The following RHOU variants were observed in gnomAD, a reference collection of about 807,000 sequenced individuals.
The protein encoded by RHOU is rho-related GTP-binding protein RhoU.
A neutral mutation model predicts 12.6 loss-of-function variants in RHOU; 8 were observed. The ratio of observed to expected loss-of-function variants is 0.64; its 90% CI spans 0.37 to 1.15. The LOEUF is 1.15. Among genes scored for constraint, RHOU ranks in the 50% most tolerant of loss-of-function variants. The probability of loss-of-function intolerance (pLI) is 0.01; values close to 1 mark genes in which losing one functional copy is unlikely to be tolerated. For missense variants in RHOU, 258 were observed against 347.0 expected, an observed-to-expected ratio of 0.74 and a Z score of 2.04; for synonymous variants, 161 against 147.4, an observed-to-expected ratio of 1.09 and a Z score of -0.67.
the RHOU span, among the ~76,000 whole-genome samples, chr1:228,648,858 CTCTTTCTTTCTT>C: frequency 3.3e-5 from 5 of 150,394 alleles, no homozygotes; most frequent in South Asian, 2.1e-4. Flanking sequence ...CTTCCTCTCT[CTCTTTCTTTCTT>C]TCTTTCTTTC....
At chr1:228,708,283 A>T in the RHOU span, among the ~76,000 whole-genome samples, 1 of 152,114 alleles carries the variant, frequency 6.6e-6, no homozygotes, top group Non-Finnish European at 1.5e-5. Flanking sequence ...GCAGGCCAAC[A>T]TTCAGATTCA....
chr1:228,729,348 A>G, the RHOU span, among the ~76,000 whole-genome samples: 1 of 152,178 alleles, frequency 6.6e-6, no homozygotes, highest in African/African-American at 2.4e-5. Flanking sequence ...TGAATTACCA[A>G]ATTAACTCAT....
At chr1:228,740,814 G>C (rs1220924668) in intron 2 of RHOU, among the ~76,000 whole-genome samples, 1 of 152,216 alleles carries the variant, frequency 6.6e-6, no homozygotes, top group Non-Finnish European at 1.5e-5. Flanking sequence ...GCAGAGTATG[G>C]ATGGCTCTAC....
chr1:228,657,876 A>G, the RHOU span, among the ~76,000 whole-genome samples: 2 of 152,178 alleles, frequency 1.3e-5, no homozygotes, highest in African/African-American at 4.8e-5. Flanking sequence ...TAGAAGTAAA[A>G]CTGATAAACT....
the RHOU span, among the ~76,000 whole-genome samples, chr1:228,729,683 GA>G: frequency 3.3e-5 from 5 of 152,198 alleles, no homozygotes; most frequent in Non-Finnish European, 7.3e-5. Context: ...TCTAGACATT[GA>G]AATTTTGAGT....
the RHOU span, among the ~76,000 whole-genome samples, chr1:228,693,277 G>A: frequency 6.6e-6 from 1 of 152,196 alleles, no homozygotes; most frequent in Non-Finnish European, 1.5e-5. Flanking sequence ...GAGTTACAGC[G>A]TGAACTGACT....
chr1:228,734,201 T>C (rs1026035047), upstream of RHOU, among the ~76,000 whole-genome samples: 1 of 152,138 alleles, frequency 6.6e-6, no homozygotes, highest in Admixed American at 6.5e-5. Context: ...TTTTTTTTTT[T>C]TCAAAATTTA....
the RHOU span, among the ~76,000 whole-genome samples, chr1:228,707,212 TATATAC>T: frequency 3.4e-5 from 4 of 119,114 alleles, no homozygotes; most frequent in South Asian, 2.4e-4. Context: ...TATACATATA[TATATAC>T]ATATATATAT....
chr1:228,701,854 T>C, the RHOU span, among the ~76,000 whole-genome samples: 2 of 151,796 alleles, frequency 1.3e-5, no homozygotes, highest in African/African-American at 4.8e-5. Context: ...ACACTTTGTA[T>C]ATAGAATTCT....
the RHOU span, among the ~76,000 whole-genome samples, chr1:228,649,693 T>C: frequency 6.6e-6 from 1 of 152,256 alleles, no homozygotes; most frequent in Admixed American, 6.5e-5. Flanking sequence ...TTTCTTTTTT[T>C]ATCTTGAATT....
chr1:228,680,143 G>A, the RHOU span, among the ~76,000 whole-genome samples: 2 of 152,174 alleles, frequency 1.3e-5, no homozygotes, highest in African/African-American at 4.8e-5. Context: ...ATAAGGGGAT[G>A]TACTTACCCT....
At chr1:228,698,991 G>A in the RHOU span, among the ~76,000 whole-genome samples, 1 of 152,122 alleles carries the variant, frequency 6.6e-6, no homozygotes, top group African/African-American at 2.4e-5. Flanking sequence ...GGTGGCAAGA[G>A]TAGTCTTTCT....
At chr1:228,705,571 AT>A in the RHOU span, among the ~76,000 whole-genome samples, 3 of 152,132 alleles carry the variant, frequency 2.0e-5, no homozygotes, top group Non-Finnish European at 4.4e-5. Flanking sequence ...GTCCCTGCAA[AT>A]TTCTCACAGC....
At chr1:228,698,153 A>G in the RHOU span, among the ~76,000 whole-genome samples, 2 of 152,340 alleles carry the variant, frequency 1.3e-5, no homozygotes, top group Admixed American at 6.5e-5. Flanking sequence ...AAGGGAGACC[A>G]TTTGACATTT....
chr1:228,669,710 T>G, the RHOU span, among the ~76,000 whole-genome samples: 1 of 152,198 alleles, frequency 6.6e-6, no homozygotes, highest in Non-Finnish European at 1.5e-5. Flanking sequence ...GGGTACTTTT[T>G]CTGAACCTGA....
Position 228,743,938 on chromosome 1 carries a change from T to C in RHOU, c.*198T>C, listed in dbSNP as rs947901778. On this transcript the variant is annotated 3_prime_UTR_variant, in exon 3 of 3. Coordinates refer to ENST00000366691, the MANE Select transcript of RHOU (RefSeq NM_021205.6). The surrounding 1 kb of genome is among the most constrained non-coding windows in gnomAD (Gnocchi z 5.1). The stretch of plus-strand genomic sequence containing the variant: ...TTTGAGCTTAGGGATGAGATACTTA[T>C]GCAAGATATTTTTGAAGTAAATTAA... The C allele has an allele frequency of 5.6e-6, 3 of 532,140 alleles. No individual in the cohort carries two copies. The highest frequency in any genetic ancestry group is 6.2e-5 in the East Asian group (2 of 32,184). 33.0% of individuals were successfully genotyped at this position (532,140 alleles called of 1,614,324 possible).
At chr1:228,657,537 A>G in the RHOU span, among the ~76,000 whole-genome samples, 5 of 152,200 alleles carry the variant, frequency 3.3e-5, no homozygotes, top group African/African-American at 1.2e-4. Flanking sequence ...ATGACGCAAA[A>G]CCTGATAGAC....
the RHOU span, among the ~76,000 whole-genome samples, chr1:228,723,334 G>A: frequency 2.6e-5 from 4 of 152,228 alleles, no homozygotes; most frequent in South Asian, 8.3e-4. Flanking sequence ...GTGGAAACCA[G>A]CCAGGTATAT....
the RHOU span, among the ~76,000 whole-genome samples, chr1:228,648,742 G>A: frequency 6.6e-6 from 1 of 151,958 alleles, no homozygotes; most frequent in African/African-American, 2.4e-5. Context: ...TTTTGAGACA[G>A]AGTCACATTA....
Sources: gnomAD v4.1 joint callset for allele counts (sites outside exome capture counted in the v4.1 genomes callset) on GRCh38, gnomAD v4.1.1 for gene constraint, Gnocchi (gnomAD v3.1) non-coding constraint, MANE v1.5 for transcripts, NCBI Gene and HGNC (gene_info 2026-07-23, HGNC 2026-07-21) for gene names.